The following WDFY4 variants were observed in gnomAD, a reference collection of about 807,000 sequenced individuals.
The protein encoded by WDFY4 is WDFY family member 4.
WDFY4 carries 169 observed loss-of-function variants against 351.9 expected under a neutral mutation model. The ratio of observed to expected loss-of-function variants is 0.48; its 90% CI spans 0.42 to 0.55. WDFY4 has a LOEUF of 0.55. WDFY4 is among the 20% of genes least tolerant of loss of function. The probability of loss-of-function intolerance (pLI) is 0.00; values close to 1 mark genes in which losing one functional copy is unlikely to be tolerated. For missense variants in WDFY4, 3,803 were observed against 3,935.6 expected (o/e 0.97, Z 0.90); for synonymous variants, 1,622 against 1,574.6 (o/e 1.03, Z -0.71).
At chr10:48,743,757 T>G (rs2064928574) in intron 12 of WDFY4, among the ~76,000 whole-genome samples, 1 of 152,172 alleles carries the variant, frequency 6.6e-6, no homozygotes, top group African/African-American at 2.4e-5. Context: ...GAGTCAGTAC[T>G]GGGTTGGAGG....
chr10:48,946,906 C>G lies in WDFY4; in HGVS notation c.7914C>G (p.Ala2638=), dbSNP rs1453518530. ...ACTACTACACCCACTACTCCTCGGC[C>G]ATCATCGTGGCCTCCTACCTGGTCC... is the stretch of plus-strand genomic sequence containing the variant. ...QCHYYTHYSS[A]IIVASYLVRM... Residue 2638 remains alanine (A), a synonymous_variant, in exon 51 of 62, where the codon GCC becomes GCG. Coordinates refer to ENST00000325239, the MANE Select transcript of WDFY4 (RefSeq NM_001394531.1). 3.9e-6 allele frequency: 6 copies of G among 1,552,112 alleles called. No homozygotes were observed. The highest frequency in any genetic ancestry group is 3.9e-5 in the Admixed American group (2 of 51,002).
chr10:48,932,867 C>T (rs1840106677), intron 47 of WDFY4, among the ~76,000 whole-genome samples: 2 of 151,968 alleles, frequency 1.3e-5, no homozygotes, highest in Non-Finnish European at 2.9e-5. Flanking sequence ...GAAGAAGCCA[C>T]ATGGAAGGAT....
At chr10:48,830,981 C>T in intron 38 of WDFY4, 96 bp downstream of exon 38, 1 of 1,213,990 alleles carries the variant, frequency 8.2e-7, no homozygotes, top group Non-Finnish European at 1.1e-6. Context: ...CCTTTTCCAC[C>T]TGGACCCTCT....
intron 40 of WDFY4, among the ~76,000 whole-genome samples, chr10:48,869,621 T>A (rs193015100): frequency 2.0e-5 from 3 of 152,318 alleles, no homozygotes; most frequent in Admixed American, 1.3e-4. Flanking sequence ...CCCTTTGCCT[T>A]GTCCACATTA....
intron 19 of WDFY4, among the ~76,000 whole-genome samples, chr10:48,781,567 A>G (rs2066227135): frequency 1.3e-5 from 2 of 152,294 alleles, no homozygotes; most frequent in Middle Eastern, 3.4e-3. Flanking sequence ...AAGTGCTGGG[A>G]TAACAGGTGT....
rs958645649 is a variant in WDFY4, at chr10:48,957,215, C to T, written c.8064C>T (p.Val2688=). Residue 2688 remains valine (V), a synonymous_variant, in exon 52 of 62, where the codon GTC becomes GTT. Coordinates refer to ENST00000325239, the MANE Select transcript of WDFY4 (RefSeq NM_001394531.1). ...CCTCCAGAGAGAACATGAGTGACGT[C>T]AGGGAGCTGACCCCAGAGTTCTTCT... The part of the protein sequence containing the change: ...ESASRENMSD[V]RELTPEFFYL... 3.2e-6 allele frequency: 5 copies of T among 1,551,586 alleles called. No homozygotes were observed. In the Admixed American group the frequency reaches 9.8e-5, roughly 30 times the overall value.
intron 47 of WDFY4, chr10:48,910,023 A>C: frequency 1.8e-6 from 1 of 560,812 alleles, no homozygotes; most frequent in South Asian, 2.6e-5. Context: ...ACCACATCAA[A>C]TATTTCCCAA....
At chr10:48,949,249 T>A (rs1841201659) in intron 51 of WDFY4, among the ~76,000 whole-genome samples, 1 of 152,216 alleles carries the variant, frequency 6.6e-6, no homozygotes, top group African/African-American at 2.4e-5. Context: ...TCTCACTTTC[T>A]TACTTTTAAA....
intron 17 of WDFY4, among the ~76,000 whole-genome samples, chr10:48,778,370 C>T (rs2066104990): frequency 6.6e-6 from 1 of 152,262 alleles, no homozygotes; most frequent in Non-Finnish European, 1.5e-5. Flanking sequence ...CCCCACAGAG[C>T]ACACTGCCTG....
chr10:48,772,608 C>T (rs1350148976), intron 13 of WDFY4, among the ~76,000 whole-genome samples: 1 of 127,514 alleles, frequency 7.8e-6, no homozygotes, highest in Non-Finnish European at 1.6e-5. Flanking sequence ...AGGTTAGTTA[C>T]ATATGTATAC....
intron 41 of WDFY4, 75 bp downstream of exon 41, chr10:48,873,772 A>G (rs1460844038): frequency 3.4e-6 from 5 of 1,471,996 alleles, no homozygotes; most frequent in Non-Finnish European, 3.7e-6. Flanking sequence ...GAGCTTCCCC[A>G]TCACATGTTG....
At chr10:48,734,942 A>ATTTTTTTTTTTTTTTTTTT (rs3079302) in intron 10 of WDFY4, among the ~76,000 whole-genome samples, 1 of 123,330 alleles carries the variant, frequency 8.1e-6, no homozygotes. Context: ...TGCACGGCTA[A>ATTTTTTTTTTTTTTTTTTT]TTTTTTTTTT....
Position 48,877,028 on chromosome 10 carries a change from T to A in WDFY4, c.7001-5T>A, listed in dbSNP as rs2070043607. 2.0e-6 allele frequency: 3 copies of A among 1,476,082 alleles called. No homozygotes were observed. The highest frequency in any genetic ancestry group is 2.7e-6 in the Non-Finnish European group (3 of 1,111,042). The allele number at this position is 1,476,082 out of a possible 1,614,324, so 91.4% of individuals were successfully genotyped here. On this transcript the variant is annotated splice_region_variant and splice_polypyrimidine_tract_variant and intron_variant, in intron 42 of 61. Transcript: ENST00000325239. ...AACACCACGTGTCCCTTTATGCTGC[T>A]GCAGATGAACTGACACTGAGGGAGG...
intron 20 of WDFY4, among the ~76,000 whole-genome samples, chr10:48,787,900 CTTCTTCTTCTTCTTCTTCTT>C (rs2066502567): frequency 7.3e-5 from 2 of 27,216 alleles, no homozygotes; most frequent in Non-Finnish European, 1.4e-4. Context: ...TCTCCTTCTT[CTTCTTCTTCTTCTTCTTCTT>C]CTTCTTCTTC....
At position 48,774,447 on chromosome 10, in the gene WDFY4, G is replaced by GT. The variant is rs1565182170; in HGVS notation, c.2554-10dup. The GT allele has an allele frequency of 6.4e-7, 1 of 1,551,640 alleles. No individual in the cohort carries two copies. The highest frequency in any genetic ancestry group is 1.2e-5 in the South Asian group (1 of 84,064). The stretch of plus-strand genomic sequence containing the variant: ...CCTGGAGGGCTCACAGCTTGCTTTG[G>GT]TCACTCTTAGCTTTCCGAGGAGATC... On this transcript the variant is annotated splice_polypyrimidine_tract_variant and intron_variant, in intron 13 of 61. Coordinates refer to ENST00000325239, the MANE Select transcript of WDFY4 (RefSeq NM_001394531.1).
chr10:48,721,503 C>T lies in WDFY4; in HGVS notation c.456+136C>T. 3.8e-6 allele frequency: 3 copies of T among 779,844 alleles called. No homozygotes were observed. The East Asian group carries it at 8.1e-5, about 21-fold the overall frequency. The allele number at this position is 779,844 out of a possible 1,614,324, so 48.3% of individuals were successfully genotyped here. A position where few individuals can be genotyped will look rare whatever the true frequency, so the allele number is the denominator to read the frequency against. Reference sequence around the variant, plus strand: ...AGGTTTATTATTTCTCCTCCCTCCTCCCCTTCTGGTGTAGAACATGGACTT... The same window carrying T: ...AGGTTTATTATTTCTCCTCCCTCCTTCCCTTCTGGTGTAGAACATGGACTT... On this transcript the variant is annotated intron_variant, in intron 4 of 61. Transcript: ENST00000325239.
At chr10:48,846,819 G>C (rs1015087024) in intron 39 of WDFY4, among the ~76,000 whole-genome samples, 1 of 152,222 alleles carries the variant, frequency 6.6e-6, no homozygotes, top group Non-Finnish European at 1.5e-5. Flanking sequence ...AGTGGGTGCA[G>C]CTTGCAGCCA....
intron 45 of WDFY4, among the ~76,000 whole-genome samples, chr10:48,899,375 A>G (rs1837244050): frequency 6.6e-6 from 1 of 152,224 alleles, no homozygotes; most frequent in Non-Finnish European, 1.5e-5. Flanking sequence ...CTCTCTGCTC[A>G]GGAGAGTTAA....
At chr10:48,893,962 G>A (rs1163039079) in intron 44 of WDFY4, among the ~76,000 whole-genome samples, 1 of 152,176 alleles carries the variant, frequency 6.6e-6, no homozygotes, top group Admixed American at 6.5e-5. Context: ...TGGATCAGCT[G>A]CCCCTTCTAC....
Sources: allele counts gnomAD v4.1 joint callset (sites outside exome capture counted in the v4.1 genomes callset), GRCh38; gene constraint gnomAD v4.1.1; transcripts MANE v1.5; gene names NCBI Gene and HGNC (gene_info 2026-07-23, HGNC 2026-07-21).